RBFOX1: variants seen among roughly 807,000 people sequenced by gnomAD.
RBFOX1 encodes RNA binding protein fox-1 homolog 1.
In RBFOX1, 8 loss-of-function variants were observed where a neutral mutation model predicts 57.7. The ratio of observed to expected loss-of-function variants is 0.14; its 90% CI spans 0.08 to 0.25. The LOEUF is 0.25. Ranked by LOEUF, RBFOX1 falls within the 10% of genes least tolerant of loss-of-function variation. RBFOX1 has a pLI of 1.00. For synonymous variants in RBFOX1, 326 were observed against 222.4 expected (o/e 1.47, Z -4.15); for missense variants, 611 against 548.5 (o/e 1.11, Z -1.14).
chr16:7,666,814 G>T (rs1208076731), intron 13 of RBFOX1, among the ~76,000 whole-genome samples: 1 of 152,202 alleles, frequency 6.6e-6, no homozygotes, highest in Admixed American at 6.5e-5. Flanking sequence ...GTGTCCCTTT[G>T]TGCTTTTCTA....
At chr16:7,081,175 C>T (rs1182217954) in intron 4 of RBFOX1, among the ~76,000 whole-genome samples, 2 of 152,178 alleles carry the variant, frequency 1.3e-5, no homozygotes, top group Non-Finnish European at 2.9e-5. Context: ...GCTGAGATTA[C>T]AGGTGCACAC....
chr16:6,300,157 G>C (rs1293352489), intron 1 of RBFOX1, among the ~76,000 whole-genome samples: 2 of 152,114 alleles, frequency 1.3e-5, no homozygotes, highest in Non-Finnish European at 2.9e-5. Context: ...CATAGAAACA[G>C]AGAGTAGAAT....
chr16:6,355,517 C>T (rs2087141875), intron 2 of RBFOX1, among the ~76,000 whole-genome samples: 1 of 152,166 alleles, frequency 6.6e-6, no homozygotes, highest in African/African-American at 2.4e-5. Flanking sequence ...GCCACATTTT[C>T]TTCATCCAGT....
chr16:5,981,981 G>A (rs961551749), intron 4 of RBFOX1, among the ~76,000 whole-genome samples: 2 of 152,166 alleles, frequency 1.3e-5, no homozygotes, highest in Non-Finnish European at 2.9e-5. Flanking sequence ...AATGAAAAAC[G>A]CTTATCTAAA....
intron 14 of RBFOX1, among the ~76,000 whole-genome samples, chr16:7,701,039 A>G (rs1369991037): frequency 1.3e-5 from 2 of 152,206 alleles, no homozygotes; most frequent in East Asian, 3.9e-4. Context: ...TAAAAAGCTC[A>G]GATGTGTTCC....
chr16:5,284,157 C>T (rs1029489251), intron 1 of RBFOX1, among the ~76,000 whole-genome samples: 5 of 152,216 alleles, frequency 3.3e-5, no homozygotes, highest in Admixed American at 1.3e-4. Flanking sequence ...TGACTTGCTT[C>T]TTCTTGCCTT....
At chr16:7,555,590 T>C (rs2088121562) in intron 5 of RBFOX1, among the ~76,000 whole-genome samples, 1 of 152,174 alleles carries the variant, frequency 6.6e-6, no homozygotes, top group Non-Finnish European at 1.5e-5. Context: ...CTGCGTGACC[T>C]GTTTCTGTGC....
chr16:6,942,711 G>A (rs1163341888), intron 3 of RBFOX1, among the ~76,000 whole-genome samples: 1 of 152,116 alleles, frequency 6.6e-6, no homozygotes, highest in Non-Finnish European at 1.5e-5. Flanking sequence ...GCATCTCTTT[G>A]GACAAGTGAC....
At chr16:7,650,495 C>A (rs1597314662) in intron 11 of RBFOX1, among the ~76,000 whole-genome samples, 1 of 152,226 alleles carries the variant, frequency 6.6e-6, no homozygotes, top group East Asian at 1.9e-4. Flanking sequence ...CTCAGGAAAT[C>A]CATTTTCTCC....
intron 4 of RBFOX1, among the ~76,000 whole-genome samples, chr16:7,479,532 C>G (rs976763156): frequency 4.6e-5 from 7 of 152,280 alleles, no homozygotes; most frequent in Admixed American, 1.3e-4. Context: ...GGAAAGGACT[C>G]AAGAGCCTGC....
intron 1 of RBFOX1, among the ~76,000 whole-genome samples, chr16:6,044,315 G>C (rs759737894): frequency 6.6e-6 from 1 of 152,100 alleles, no homozygotes. Flanking sequence ...CCACATGAAA[G>C]CAAAGCTTTG....
At chr16:5,606,961 C>T (rs989586127) in intron 3 of RBFOX1, among the ~76,000 whole-genome samples, 3 of 152,172 alleles carry the variant, frequency 2.0e-5, no homozygotes, top group Non-Finnish European at 2.9e-5. Context: ...TTGCTGTGAT[C>T]AGTGTGTGGC....
At chr16:6,450,994 G>C (rs1298124738) in intron 2 of RBFOX1, among the ~76,000 whole-genome samples, 2 of 147,812 alleles carry the variant, frequency 1.4e-5, no homozygotes, top group Admixed American at 1.4e-4. Context: ...AAGACAATAG[G>C]GATTAGTGGG....
rs55882025 is a variant in RBFOX1, at chr16:6,988,918, C to T, written c.-15-63139C>T. 8.7e-3 allele frequency among the ~76,000 whole-genome samples: 1,327 copies of T among 152,050 alleles called. 21 individuals carry two copies. The highest frequency in any genetic ancestry group is 0.03 in the African/African-American group (1,262 of 41,444). ...TCCTAAGTAGCTGGGATTACAGGCG[C>T]CCACTACCATGCCTGGCTAATTTTT... is the stretch of plus-strand genomic sequence containing the variant. On this transcript the variant is annotated intron_variant, in intron 3 of 15. Coordinates refer to ENST00000550418, the MANE Select transcript of RBFOX1 (RefSeq NM_018723.4).
At chr16:6,173,571 A>G (rs929809415) in intron 1 of RBFOX1, among the ~76,000 whole-genome samples, 10 of 129,102 alleles carry the variant, frequency 7.7e-5, no homozygotes, top group African/African-American at 3.0e-4. Context: ...AGACAAAGCT[A>G]TTGAATTGTA....
intron 2 of RBFOX1, among the ~76,000 whole-genome samples, chr16:5,469,542 T>C (rs140924365): frequency 6.6e-6 from 1 of 152,330 alleles, no homozygotes; most frequent in Non-Finnish European, 1.5e-5. Context: ...TTAGGCGTTT[T>C]ACAGTGAGCA....
intron 3 of RBFOX1, among the ~76,000 whole-genome samples, chr16:5,620,572 C>A (rs900482363): frequency 4.6e-5 from 7 of 152,178 alleles, no homozygotes; most frequent in Non-Finnish European, 1.0e-4. Flanking sequence ...TGGTCATCTT[C>A]TTGCTGTGTC....
intron 4 of RBFOX1, among the ~76,000 whole-genome samples, chr16:7,072,218 A>G (rs1023138351): frequency 3.3e-5 from 5 of 152,212 alleles, no homozygotes; most frequent in African/African-American, 4.8e-5. Context: ...AGAATAAATT[A>G]TGATCACTGA....
At chr16:6,832,624 G>C (rs956580854) in intron 3 of RBFOX1, among the ~76,000 whole-genome samples, 5 of 152,124 alleles carry the variant, frequency 3.3e-5, no homozygotes, top group African/African-American at 9.7e-5. Context: ...TTACCTTTTT[G>C]TTGCTTCCTG....
Sources: allele counts gnomAD v4.1 joint callset (sites outside exome capture counted in the v4.1 genomes callset), GRCh38; gene constraint gnomAD v4.1.1; transcripts MANE v1.5; gene names NCBI Gene and HGNC (gene_info 2026-07-23, HGNC 2026-07-21).